Variants in FBXO46 observed in about 807,000 individuals in gnomAD.
The protein encoded by FBXO46 is F-box only protein 46.
Under a neutral mutation model 30.7 loss-of-function variants are expected in FBXO46, and 13 were observed. The observed-to-expected ratio is 0.42, with a 90% CI of 0.28 to 0.67. FBXO46 has a LOEUF of 0.67. FBXO46 is among the 30% of genes least tolerant of loss of function. FBXO46 has a pLI of 0.21. For synonymous variants in FBXO46, 467 were observed against 385.8 expected, an observed-to-expected ratio of 1.21 and a Z score of -2.47; for missense variants, 754 against 871.5, an observed-to-expected ratio of 0.87 and a Z score of 1.70.
At chr19:45,714,697 T>A (rs1473611444) in intron 1 of FBXO46, 1 of 151,698 alleles carries the variant, frequency 6.6e-6, no homozygotes, top group Non-Finnish European at 1.5e-5. Context: ...CCCAGGAGTT[T>A]GAGACCAGCC....
chr19:45,727,083 C>A (rs950233255), intron 1 of FBXO46, among the ~76,000 whole-genome samples: 1 of 151,880 alleles, frequency 6.6e-6, no homozygotes, highest in Admixed American at 6.6e-5. Flanking sequence ...CGTGGTGAAA[C>A]GCTGACTCTA....
Position 45,712,846 on chromosome 19 carries a change from C to T in FBXO46, c.650G>A (p.Arg217Gln), listed in dbSNP as rs200509421. The change falls in exon 2 of 2, where the codon CGG becomes CAG. Residue 217 changes from arginine to glutamine, a missense_variant. Transcript: ENST00000317683. The surrounding 1 kb of genome is among the most constrained non-coding windows in gnomAD (Gnocchi z 8.8). ...GGPAKGVGSE[R>Q]RSGGGDCSRV... Reference sequence around the variant, plus strand: ...GCTGCAGTCCCCACCACCGGACCGCCGTTCAGATCCCACCCCCTTGGCCGG... The same window carrying T: ...GCTGCAGTCCCCACCACCGGACCGCTGTTCAGATCCCACCCCCTTGGCCGG... The T allele has an allele frequency of 9.0e-5, 145 of 1,613,204 alleles. 1 individual carries two copies. The highest frequency in any genetic ancestry group is 2.5e-5 in the Non-Finnish European group (30 of 1,179,726).
At chr19:45,722,977 C>T (rs918843210) in intron 1 of FBXO46, among the ~76,000 whole-genome samples, 1 of 152,130 alleles carries the variant, frequency 6.6e-6, no homozygotes. Context: ...TCGCTTGAAC[C>T]TGGGAGGTGG....
intron 1 of FBXO46, among the ~76,000 whole-genome samples, chr19:45,728,638 C>T (rs1600368306): frequency 6.6e-6 from 1 of 152,046 alleles, no homozygotes; most frequent in African/African-American, 2.4e-5. Flanking sequence ...GAATTTGAGA[C>T]CAGCCTGGGC....
rs765557094 is a variant in FBXO46 at position 45,711,895 on chromosome 19, C to G, written c.1601G>C (p.Arg534Pro). 1 of 1,613,698 alleles carries G rather than the reference C, an allele frequency of 6.2e-7. No individual in the cohort carries two copies. The highest frequency in any genetic ancestry group is 1.6e-4 in the Middle Eastern group (1 of 6,062). The change falls in exon 2 of 2, where the codon CGC (arginine) becomes CCC (proline). Residue 534 changes from arginine to proline, a missense_variant. Arg to Pro is a moderately radical substitution (Grantham distance 103). Transcript: ENST00000317683. ...LYRDDPCKQCRKRYEKGDVSL... is the reference protein window; with the variant it reads ...LYRDDPCKQCPKRYEKGDVSL... ...CACGTCGCCCTTCTCGTATCTCTTG[C>G]GGCACTGTTTGCACGGATCATCGCG...
chr19:45,715,806 CAAAAAAAAAA>C (rs71175215), intron 1 of FBXO46: 4 of 79,422 alleles, frequency 5.0e-5, no homozygotes, highest in African/African-American at 1.6e-4. Flanking sequence ...AACTCCATCT[CAAAAAAAAAA>C]AAAAAAAAAA....
intron 1 of FBXO46, among the ~76,000 whole-genome samples, chr19:45,725,468 G>A (rs745569569): frequency 2.7e-4 from 41 of 152,160 alleles, no homozygotes; most frequent in African/African-American, 8.9e-4. Context: ...GGCCAGGTGC[G>A]GTGGCTCACA....
chr19:45,712,340 T>C lies in FBXO46; in HGVS notation c.1156A>G (p.Lys386Glu), dbSNP rs776715463. 1 of 1,601,720 alleles carries C rather than the reference T, an allele frequency of 6.2e-7. No individual in the cohort carries two copies. Among genetic ancestry groups the C allele is most frequent in the Non-Finnish European group, 8.5e-7 (1 of 1,179,634 alleles). ...CACACAGTCTCCTCCTTCACGTTCT[T>C]GGTGCCGTCCTTGCCAAAGAAGATG... ...ECIFFGKDGT[K>E]NVKEETVCLT... Residue 386 changes from lysine to glutamate, a missense_variant, in exon 2 of 2, where the codon AAG becomes GAG. By Grantham distance (56) the Lys-to-Glu change is moderately conservative. Around this residue, in one of 5 missense-constraint regions of FBXO46, gnomAD observed 454 missense variants for 426.5 expected, o/e 1.06. Transcript: ENST00000317683. The surrounding 1 kb of genome is among the most constrained non-coding windows in gnomAD (Gnocchi z 8.8).
At chr19:45,721,892 G>A (rs1232576055) in intron 1 of FBXO46, among the ~76,000 whole-genome samples, 1 of 151,672 alleles carries the variant, frequency 6.6e-6, no homozygotes, top group African/African-American at 2.4e-5. Flanking sequence ...CCAAGCTGGA[G>A]TGCAGTAACA....
chr19:45,720,856 T>C (rs1225790970), intron 1 of FBXO46, among the ~76,000 whole-genome samples: 2 of 151,882 alleles, frequency 1.3e-5, no homozygotes, highest in Non-Finnish European at 2.9e-5. Flanking sequence ...ACCTGTAATG[T>C]GGTGGCAGGC....
rs1365421440 is a variant in FBXO46, at chr19:45,711,970, G to A, written c.1526C>T (p.Ala509Val). ...CGAGTCTGTGGCCCGCACGCCAAAC[G>A]CCTCGATGATGCCCTTGAAGTGGTG... The part of the protein sequence containing the change: ...TCHHFKGIIE[A>V]FGVRATDSRW... Residue 509 changes from alanine (A) to valine (V), a missense_variant, in exon 2 of 2, where the codon GCG becomes GTG. Coordinates refer to ENST00000317683, the MANE Select transcript of FBXO46 (RefSeq NM_001080469.2). 1.9e-6 allele frequency: 3 copies of A among 1,612,836 alleles called. No individual in the cohort carries two copies. The highest frequency in any genetic ancestry group is 1.7e-6 in the Non-Finnish European group (2 of 1,179,714).
Position 45,713,504 on chromosome 19 carries a change from A to G in FBXO46, c.-9T>C. 1 of 1,539,132 alleles carries G rather than the reference A, an allele frequency of 6.5e-7. No individual in the cohort carries two copies. Among genetic ancestry groups the G allele is most frequent in the Non-Finnish European group, 8.8e-7 (1 of 1,139,160 alleles). ...AGGCTCCCACGGTCCATGCTGGGGGATGATGGCAGACAGGCTGGGCTTCAG... is the reference window on the plus strand; with the variant it reads ...AGGCTCCCACGGTCCATGCTGGGGGGTGATGGCAGACAGGCTGGGCTTCAG... On this transcript the variant is annotated 5_prime_UTR_variant, in exon 2 of 2. Coordinates refer to ENST00000317683, the MANE Select transcript of FBXO46 (RefSeq NM_001080469.2). This position sits in a 1 kb window ranked among gnomAD's most constrained non-coding sequence, Gnocchi z 4.7.
Position 45,712,870 on chromosome 19 carries a change from G to C in FBXO46, c.626C>G (p.Pro209Arg). 1.2e-6 allele frequency: 2 copies of C among 1,613,412 alleles called. No individual in the cohort carries two copies. The highest frequency in any genetic ancestry group is 1.7e-6 in the Non-Finnish European group (2 of 1,179,714). ...VVFVSAEQGG[P>R]AKGVGSERRS... The stretch of plus-strand genomic sequence containing the variant: ...CCGTTCAGATCCCACCCCCTTGGCC[G>C]GTCCACCTTGCTCGGCGGACACAAA... The change falls in exon 2 of 2, where the codon CCG becomes CGG. Residue 209 changes from proline to arginine, a missense_variant. Coordinates refer to ENST00000317683, the MANE Select transcript of FBXO46 (RefSeq NM_001080469.2). The surrounding 1 kb of genome is among the most constrained non-coding windows in gnomAD (Gnocchi z 8.8).
In FBXO46 at chr19:45,712,601, G is replaced by T; in HGVS notation, c.895C>A (p.Arg299=). ...AYPGSPGPGA[R]AKDKITCDLY... is the part of the protein sequence containing the mutation. ...TCACATGTGATCTTGTCCTTGGCTC[G>T]GGCCCCAGGACCTGGGCTGCCAGGG... Residue 299 remains arginine (R), a synonymous_variant, in exon 2 of 2, where the codon CGA becomes AGA. Transcript: ENST00000317683. The surrounding 1 kb of genome is among the most constrained non-coding windows in gnomAD (Gnocchi z 8.8). 1 of 1,591,222 alleles carries T rather than the reference G, an allele frequency of 6.3e-7. No individual in the cohort carries two copies. Among genetic ancestry groups the T allele is most frequent in the East Asian group, 2.2e-5 (1 of 44,594 alleles).
In FBXO46 at chr19:45,711,616, G is replaced by T. The variant is rs1377065315; in HGVS notation, c.*68C>A. 6 of 1,276,772 alleles carry T rather than the reference G, an allele frequency of 4.7e-6. No homozygotes were observed. Among genetic ancestry groups the T allele is most frequent in the Non-Finnish European group, 6.6e-6 (6 of 910,736 alleles). The allele number at this position is 1,276,772 out of a possible 1,614,324, so 79.1% of individuals were successfully genotyped here. A position where few individuals can be genotyped will look rare whatever the true frequency, so the allele number is the denominator to read the frequency against. On this transcript the variant is annotated 3_prime_UTR_variant, in exon 2 of 2. Transcript: ENST00000317683. ...GGGAATGGGCAGGCGGCCCAGTCCG[G>T]ACCCTCGGCTCCCGGGGGGAGAGGG... is the stretch of plus-strand genomic sequence containing the variant.
Position 45,721,081 on chromosome 19 carries a change from T to C in FBXO46, c.-78-7508A>G, listed in dbSNP as rs544827124. Reference sequence around the variant, plus strand: ...CAAATAAGGAAAAATAGGCCACGTGTGGTGGCTCGCGCCTGTAATCCCAGC... The same window carrying C: ...CAAATAAGGAAAAATAGGCCACGTGCGGTGGCTCGCGCCTGTAATCCCAGC... On this transcript the variant is annotated intron_variant, in intron 1 of 1. Transcript: ENST00000317683. Among the ~76,000 whole-genome samples the C allele has an allele frequency of 1.5e-3, 219 of 150,456 alleles. 3 individuals carry two copies. The highest frequency in any genetic ancestry group is 4.9e-3 in the African/African-American group (200 of 40,958).
rs562425366 is a variant in FBXO46 at position 45,726,829 on chromosome 19, A to G, written c.-79+4020T>C. On this transcript the variant is annotated intron_variant, in intron 1 of 1. Transcript: ENST00000317683. Reference sequence around the variant, plus strand: ...CTCAGTACCTTTTCTTGAAAGAATAAAAATCATAGAAAGACCTCACACTTA... The same window carrying G: ...CTCAGTACCTTTTCTTGAAAGAATAGAAATCATAGAAAGACCTCACACTTA... 2.0e-5 allele frequency among the ~76,000 whole-genome samples: 3 copies of G among 152,288 alleles called. No homozygotes were observed. The South Asian group carries it at 6.2e-4, about 32-fold the overall frequency.
intron 1 of FBXO46, among the ~76,000 whole-genome samples, chr19:45,722,797 A>G (rs1968191205): frequency 1.3e-5 from 2 of 150,390 alleles, no homozygotes; most frequent in Non-Finnish European, 3.0e-5. Context: ...GTGATGACTC[A>G]TGCTTGTAAT....
At position 45,711,630 on chromosome 19, in the gene FBXO46, G is replaced by GGGGGGAGAGGGGAGGGGT; in HGVS notation, c.*36_*53dup. ...GGCCCAGTCCGGACCCTCGGCTCCC[G>GGGGGGAGAGGGGAGGGGT]GGGGGAGAGGGGAGGGGTGGGCGTG... On this transcript the variant is annotated 3_prime_UTR_variant, in exon 2 of 2. Transcript: ENST00000317683. 7.3e-7 allele frequency: 1 copy of GGGGGGAGAGGGGAGGGGT among 1,374,444 alleles called. No homozygotes were observed. The highest frequency in any genetic ancestry group is 1.0e-6 in the Non-Finnish European group (1 of 1,000,328). The allele number at this position is 1,374,444 out of a possible 1,614,324, so 85.1% of individuals were successfully genotyped here. A position where few individuals can be genotyped will look rare whatever the true frequency, so the allele number is the denominator to read the frequency against.
Sources: gnomAD v4.1 joint callset for allele counts (sites outside exome capture counted in the v4.1 genomes callset) on GRCh38, gnomAD v4.1.1 for gene constraint, gnomAD v4.1.1 regional missense constraint, Gnocchi (gnomAD v3.1) non-coding constraint, MANE v1.5 for transcripts, NCBI Gene and HGNC (gene_info 2026-07-23, HGNC 2026-07-21) for gene names.